The following PYROXD1 variants were observed in gnomAD, a reference collection of about 807,000 sequenced individuals.
PYROXD1 encodes pyridine nucleotide-disulphide oxidoreductase domain 1, also known as tRNA ligase complex-associated NAD(P)H dehydrogenase PYROXD1.
Under a neutral mutation model 62.0 loss-of-function variants are expected in PYROXD1, and 42 were observed. That is an observed-to-expected ratio of 0.68 (90% CI 0.53 to 0.88). PYROXD1 has a LOEUF of 0.88. Ranked by LOEUF, PYROXD1 falls within the 40% of genes least tolerant of loss-of-function variation. The pLI is 0.00. For missense variants in PYROXD1, 493 were observed against 604.8 expected (o/e 0.82, Z 1.94); for synonymous variants, 170 against 206.4 (o/e 0.82, Z 1.51).
intron 10 of PYROXD1, among the ~76,000 whole-genome samples, chr12:21,465,867 T>G (rs1942784212): frequency 6.6e-6 from 1 of 152,200 alleles, no homozygotes. Flanking sequence ...AGGGATCCCG[T>G]TTCAGCTTTC....
chr12:21,441,171 C>T (rs10841812), intron 2 of PYROXD1: 16,725 of 152,282 alleles, frequency 0.11, 1,020 homozygotes, highest in East Asian at 0.29. Context: ...TACAGGCGCC[C>T]GCAACCATGC....
intron 2 of PYROXD1, among the ~76,000 whole-genome samples, chr12:21,441,504 T>C (rs1439173497): frequency 6.6e-6 from 1 of 152,206 alleles, no homozygotes; most frequent in Non-Finnish European, 1.5e-5. Context: ...TATTTTCAAA[T>C]AATCTGTCTT....
At chr12:21,447,950 T>A (rs1335713866) in intron 3 of PYROXD1, 2 of 260,244 alleles carry the variant, frequency 7.7e-6, no homozygotes, top group Non-Finnish European at 7.4e-6. Context: ...GCCGCTGCAC[T>A]CCAGCCTGGG....
In PYROXD1 at chr12:21,471,072, G is replaced by A. The variant is rs1248986058; in HGVS notation, c.*2318G>A. 1 of 1,597,004 alleles carries A rather than the reference G, an allele frequency of 6.3e-7. No individual in the cohort carries two copies. ...TCCTATTTTCAAATACGAAATGGTA[G>A]CATAAGCTGTAAAACTGTAGTCTTC... is the stretch of plus-strand genomic sequence containing the variant. On this transcript the variant is annotated 3_prime_UTR_variant, in exon 12 of 12. Coordinates refer to ENST00000240651, the MANE Select transcript of PYROXD1 (RefSeq NM_024854.5).
chr12:21,459,023 C>T (rs1223786198), intron 7 of PYROXD1, among the ~76,000 whole-genome samples: 1 of 152,114 alleles, frequency 6.6e-6, no homozygotes, highest in African/African-American at 2.4e-5. Context: ...TAGTGAAGCA[C>T]AATAAAATGT....
chr12:21,463,494 C>A (rs1334004056), intron 10 of PYROXD1, among the ~76,000 whole-genome samples: 2 of 151,932 alleles, frequency 1.3e-5, no homozygotes, highest in Non-Finnish European at 2.9e-5. Flanking sequence ...AGTTTGAGAC[C>A]AGCCTGAACA....
rs1275455401 is a variant in PYROXD1, at chr12:21,462,875, ATATAAT to A, written c.1116+18_1116+23del. 1.2e-6 allele frequency: 2 copies of A among 1,607,700 alleles called. No individual in the cohort carries two copies. The highest frequency in any genetic ancestry group is 1.7e-6 in the Non-Finnish European group (2 of 1,178,212). ...AGTCTGGCAGCAGGTAAGCTAGCATATATAATTATATGTTTTCATCAGAGATTCTGT... is the reference window on the plus strand; with the variant it reads ...AGTCTGGCAGCAGGTAAGCTAGCATATATATGTTTTCATCAGAGATTCTGT... On this transcript the variant is annotated intron_variant, in intron 10 of 11. Transcript: ENST00000240651.
At chr12:21,442,778 T>G (rs1308282488) in intron 2 of PYROXD1, among the ~76,000 whole-genome samples, 1 of 152,220 alleles carries the variant, frequency 6.6e-6, no homozygotes. Context: ...GGATGCCAGT[T>G]TCCTCTGCAG....
chr12:21,455,873 G>A (rs1474653398), intron 6 of PYROXD1, 122 bp from the exon 7 acceptor site: 2 of 635,986 alleles, frequency 3.1e-6, no homozygotes, highest in African/African-American at 1.9e-5. Context: ...GATAACATAG[G>A]TTAGTCATGC....
intron 1 of PYROXD1, among the ~76,000 whole-genome samples, chr12:21,439,228 C>T (rs74064940): frequency 1.0e-3 from 153 of 152,234 alleles, no homozygotes; most frequent in African/African-American, 3.5e-3. Flanking sequence ...AGTGGAGTAA[C>T]TTGATCATAT....
chr12:21,456,309 G>A (rs547087057), intron 7 of PYROXD1, among the ~76,000 whole-genome samples: 1 of 152,246 alleles, frequency 6.6e-6, no homozygotes, highest in South Asian at 2.1e-4. Flanking sequence ...CTCAGCCTAC[G>A]TTTTAACTCT....
At chr12:21,456,872 C>T (rs778505865) in intron 7 of PYROXD1, 2 of 455,400 alleles carry the variant, frequency 4.4e-6, no homozygotes, top group South Asian at 3.1e-5. Context: ...CAGCAATACT[C>T]ACAGCATCCT....
intron 5 of PYROXD1, among the ~76,000 whole-genome samples, chr12:21,454,587 T>C (rs1176246848): frequency 6.6e-6 from 1 of 151,994 alleles, no homozygotes; most frequent in Non-Finnish European, 1.5e-5. Context: ...TTTTCATTCT[T>C]TCCTTCCTCT....
intron 4 of PYROXD1, among the ~76,000 whole-genome samples, chr12:21,450,817 C>T (rs1454233155): frequency 6.6e-6 from 1 of 152,164 alleles, no homozygotes; most frequent in Non-Finnish European, 1.5e-5. Context: ...ACTGTTTTAG[C>T]TCGGTCCTCT....
intron 4 of PYROXD1, among the ~76,000 whole-genome samples, chr12:21,451,390 CT>C (rs930533339): frequency 1.3e-5 from 2 of 151,346 alleles, no homozygotes; most frequent in African/African-American, 4.9e-5. Context: ...TCATTGTGAT[CT>C]TTTTTTTCTG....
In PYROXD1 at chr12:21,440,457, C is replaced by G; in HGVS notation, c.165+9C>G. 6.8e-7 allele frequency: 1 copy of G among 1,462,852 alleles called. No homozygotes were observed. The highest frequency in any genetic ancestry group is 9.4e-7 in the Non-Finnish European group (1 of 1,059,766). 90.6% of individuals were successfully genotyped at this position (1,462,852 alleles called of 1,614,324 possible). A position where few individuals can be genotyped will look rare whatever the true frequency, so the allele number is the denominator to read the frequency against. The stretch of plus-strand genomic sequence containing the variant: ...TTACAAATTTCAAGCAGGTAAGAAC[C>G]TTTGTATAACTTGTTAATATTAATT... On this transcript the variant is annotated intron_variant, in intron 2 of 11. Coordinates refer to ENST00000240651, the MANE Select transcript of PYROXD1 (RefSeq NM_024854.5).
chr12:21,448,749 T>G (rs1389043107), intron 3 of PYROXD1, among the ~76,000 whole-genome samples: 1 of 152,248 alleles, frequency 6.6e-6, no homozygotes, highest in African/African-American at 2.4e-5. Flanking sequence ...CATAGTAGCA[T>G]GCATTTATGT....
rs201868292 is a variant in PYROXD1, at chr12:21,467,554, A to T, written c.1190A>T (p.Asp397Val). 3.7e-6 allele frequency: 6 copies of T among 1,611,822 alleles called. No homozygotes were observed. Among genetic ancestry groups the T allele is most frequent in the Middle Eastern group, 1.7e-4 (1 of 5,988 alleles). ...TGCATGGCTGCAGCGAGTTCAGGAG[A>T]CTCTATTGACATGGATTTCAGCTTT... ...AKCMAAASSG[D>V]SIDMDFSFEL... The change falls in exon 11 of 12, where the codon GAC becomes GTC. Residue 397 changes from aspartate (D) to valine (V), a missense_variant. This residue lies in a region of PYROXD1 where 329 missense variants were observed against 446.6 expected (regional missense o/e 0.74). Transcript: ENST00000240651.
intron 10 of PYROXD1, among the ~76,000 whole-genome samples, chr12:21,463,544 T>A (rs1264849956): frequency 2.6e-5 from 4 of 151,868 alleles, no homozygotes; most frequent in Non-Finnish European, 5.9e-5. Context: ...TACAAAAAAT[T>A]AGCTGAGCAT....
Sources: gnomAD v4.1 joint callset for allele counts (sites outside exome capture counted in the v4.1 genomes callset) on GRCh38, gnomAD v4.1.1 for gene constraint, gnomAD v4.1.1 regional missense constraint, MANE v1.5 for transcripts, NCBI Gene and HGNC (gene_info 2026-07-23, HGNC 2026-07-21) for gene names.